TOM1L2: variants seen among roughly 807,000 people sequenced by gnomAD.
TOM1L2 encodes TOM1-like protein 2.
A neutral mutation model predicts 67.9 loss-of-function variants in TOM1L2; 31 were observed. That is an observed-to-expected ratio of 0.46 (90% CI 0.34 to 0.62). The LOEUF (loss-of-function observed/expected upper bound fraction) is 0.62, where lower values mean the gene tolerates loss of function less well. TOM1L2 is among the 20% of genes least tolerant of loss of function. The probability of loss-of-function intolerance (pLI) is 0.01; values close to 1 mark genes in which losing one functional copy is unlikely to be tolerated. For synonymous variants in TOM1L2, 256 were observed against 254.0 expected, an observed-to-expected ratio of 1.01 and a Z score of -0.07; for missense variants, 606 against 663.5, an observed-to-expected ratio of 0.91 and a Z score of 0.95.
At chr17:17,947,085 C>T (rs2040982620) in intron 1 of TOM1L2, among the ~76,000 whole-genome samples, 1 of 151,912 alleles carries the variant, frequency 6.6e-6, no homozygotes, top group African/African-American at 2.4e-5. Context: ...ACTAGTTATA[C>T]CAGCCCTCAG....
At chr17:17,848,784 C>T (rs762976114) in intron 14 of TOM1L2, 39 bp downstream of exon 14, 2 of 1,612,090 alleles carry the variant, frequency 1.2e-6, no homozygotes, top group Non-Finnish European at 8.5e-7. Context: ...TGCACAGAGG[C>T]AACAAAAGGG....
chr17:17,851,568 C>CA (rs2035982313), intron 12 of TOM1L2, among the ~76,000 whole-genome samples: 1 of 152,166 alleles, frequency 6.6e-6, no homozygotes, highest in Admixed American at 6.5e-5. Context: ...GCCTGGTAGA[C>CA]AGAGGCAGGC....
intron 7 of TOM1L2, among the ~76,000 whole-genome samples, chr17:17,879,266 C>T (rs1248850555): frequency 2.0e-5 from 3 of 152,110 alleles, no homozygotes; most frequent in Non-Finnish European, 2.9e-5. Context: ...AATAAACCTA[C>T]AAAAAAGTCA....
intron 1 of TOM1L2, among the ~76,000 whole-genome samples, chr17:17,923,342 A>C (rs2039955029): frequency 6.6e-6 from 1 of 152,158 alleles, no homozygotes; most frequent in African/African-American, 2.4e-5. Flanking sequence ...TGGAGGTTGC[A>C]GTGAGCCGAG....
intron 1 of TOM1L2, among the ~76,000 whole-genome samples, chr17:17,943,346 A>C (rs987478175): frequency 6.6e-6 from 1 of 152,164 alleles, no homozygotes; most frequent in African/African-American, 2.4e-5. Flanking sequence ...GGGAGTTAGG[A>C]AGGCAAAGCA....
chr17:17,933,533 C>T (rs1441648909), intron 1 of TOM1L2, among the ~76,000 whole-genome samples: 2 of 152,284 alleles, frequency 1.3e-5, no homozygotes, highest in South Asian at 2.1e-4. Context: ...TTTCCCTTGA[C>T]CCCCATCAAT....
rs752427521 is a variant in TOM1L2, at chr17:17,898,602, T to G, written c.210A>C (p.Ala70=). 5.0e-6 allele frequency: 8 copies of G among 1,614,108 alleles called. No individual in the cohort carries two copies. Among genetic ancestry groups the G allele is most frequent in the Non-Finnish European group, 6.8e-6 (8 of 1,180,038 alleles). ...GNRNYREVML[A]LTVLETCVKN... ...CAAGGAGAATAGCACTCACTGTTAATGCCAGCATCACCTCTCTGTAGTTCC... is the reference window on the plus strand; with the variant it reads ...CAAGGAGAATAGCACTCACTGTTAAGGCCAGCATCACCTCTCTGTAGTTCC... Residue 70 remains alanine (A), a synonymous_variant, in exon 3 of 15, where the codon GCA becomes GCC. Transcript: ENST00000379504.
chr17:17,874,431 C>T (rs1347209651), intron 7 of TOM1L2, among the ~76,000 whole-genome samples: 8 of 151,982 alleles, frequency 5.3e-5, no homozygotes, highest in Admixed American at 4.6e-4. Context: ...CCACCACACC[C>T]GGCTAATTTT....
chr17:17,885,982 A>G (rs2037979905), intron 4 of TOM1L2, among the ~76,000 whole-genome samples: 1 of 152,138 alleles, frequency 6.6e-6, no homozygotes, highest in Non-Finnish European at 1.5e-5. Context: ...ACTGTATCAA[A>G]AACAGAATAC....
chr17:17,915,165 C>T (rs1021564693), intron 1 of TOM1L2, among the ~76,000 whole-genome samples: 1 of 152,150 alleles, frequency 6.6e-6, no homozygotes, highest in African/African-American at 2.4e-5. Flanking sequence ...TTGTATTAAA[C>T]TTTTATTAAA....
chr17:17,847,494 T>C lies in TOM1L2; in HGVS notation c.*141A>G. On this transcript the variant is annotated 3_prime_UTR_variant, in exon 15 of 15. Coordinates refer to ENST00000379504, the MANE Select transcript of TOM1L2 (RefSeq NM_001082968.2). ...AGCTGGTCCTGACTAGTGGGAGGCC[T>C]GGGAGCAGACACGGTGGCATTTCCA... 1 of 1,163,284 alleles carries C rather than the reference T, an allele frequency of 8.6e-7. No individual in the cohort carries two copies. Among genetic ancestry groups the C allele is most frequent in the South Asian group, 1.6e-5 (1 of 64,272 alleles). 72.1% of individuals were successfully genotyped at this position (1,163,284 alleles called of 1,614,324 possible).
intron 1 of TOM1L2, among the ~76,000 whole-genome samples, chr17:17,930,564 C>T (rs996900100): frequency 6.6e-6 from 1 of 152,148 alleles, no homozygotes; most frequent in East Asian, 1.9e-4. Flanking sequence ...CATCAATATG[C>T]CATGAAAATG....
intron 1 of TOM1L2, among the ~76,000 whole-genome samples, chr17:17,957,574 ACTACCTCAG>A (rs1236132523): frequency 3.3e-5 from 5 of 152,144 alleles, no homozygotes; most frequent in Admixed American, 2.6e-4. Context: ...CTACAAGTAA[ACTACCTCAG>A]TGAAAATCAT....
In TOM1L2 at chr17:17,843,947, G is replaced by A. The variant is rs1598153286; in HGVS notation, c.*3688C>T. ...AGGAAGGGCTGGTGACGGGCACTGGGGGAGGCGAGCACTTCAGGGGCTGAC... is the reference window on the plus strand; with the variant it reads ...AGGAAGGGCTGGTGACGGGCACTGGAGGAGGCGAGCACTTCAGGGGCTGAC... On this transcript the variant is annotated 3_prime_UTR_variant, in exon 15 of 15. Coordinates refer to ENST00000379504, the MANE Select transcript of TOM1L2 (RefSeq NM_001082968.2). 1 of 152,618 alleles carries A rather than the reference G, an allele frequency of 6.6e-6. No homozygotes were observed. Among genetic ancestry groups the A allele is most frequent in the African/African-American group, 2.4e-5 (1 of 41,588 alleles). 9.5% of individuals were successfully genotyped at this position (152,618 alleles called of 1,614,324 possible).
chr17:17,882,779 G>A lies in TOM1L2; in HGVS notation c.586C>T (p.Pro196Ser). 6.2e-7 allele frequency: 1 copy of A among 1,614,220 alleles called. No homozygotes were observed. The highest frequency in any genetic ancestry group is 8.5e-7 in the Non-Finnish European group (1 of 1,180,046). Reference protein sequence around the residue: ...RTSAGSYSSPPPAPYSAPQAP... With the variant: ...RTSAGSYSSPSPAPYSAPQAP... The stretch of plus-strand genomic sequence containing the variant: ...TGCGGTGCGGAGTAGGGAGCAGGAG[G>A]CGGCGAGGAATAGGAACCAGCACTT... Residue 196 changes from proline to serine, a missense_variant, in exon 6 of 15, where the codon CCT becomes TCT. By Grantham distance (74) the Pro-to-Ser change is moderately conservative (BLOSUM62 -1). Coordinates refer to ENST00000379504, the MANE Select transcript of TOM1L2 (RefSeq NM_001082968.2).
chr17:17,958,550 G>A (rs1380039860), intron 1 of TOM1L2, among the ~76,000 whole-genome samples: 2 of 152,112 alleles, frequency 1.3e-5, no homozygotes, highest in East Asian at 3.8e-4. Flanking sequence ...ACTACCCCAT[G>A]CTTACCCTCC....
chr17:17,877,623 C>T (rs964527954), intron 7 of TOM1L2, among the ~76,000 whole-genome samples: 7 of 152,150 alleles, frequency 4.6e-5, no homozygotes, highest in East Asian at 1.9e-4. Flanking sequence ...CCAGCCAGGA[C>T]GGCTGTGTCT....
At chr17:17,875,218 T>C (rs913193888) in intron 7 of TOM1L2, among the ~76,000 whole-genome samples, 9 of 149,986 alleles carry the variant, frequency 6.0e-5, no homozygotes, top group South Asian at 2.1e-4. Context: ...ATCATGGCAT[T>C]GCACTCCAGC....
chr17:17,879,227 A>G (rs1370215394), intron 7 of TOM1L2, among the ~76,000 whole-genome samples: 4 of 152,244 alleles, frequency 2.6e-5, no homozygotes, highest in Non-Finnish European at 5.9e-5. Flanking sequence ...ACCAAAATAC[A>G]GAAATAGTAC....
Sources: gnomAD v4.1 joint callset for allele counts (sites outside exome capture counted in the v4.1 genomes callset) on GRCh38, gnomAD v4.1.1 for gene constraint, MANE v1.5 for transcripts, NCBI Gene and HGNC (gene_info 2026-07-23, HGNC 2026-07-21) for gene names.